Variants in ATP11A observed in about 807,000 individuals in gnomAD.
The protein encoded by ATP11A is phospholipid-transporting ATPase IH.
Under a neutral mutation model 154.4 loss-of-function variants are expected in ATP11A, and 81 were observed. The ratio of observed to expected loss-of-function variants is 0.52; its 90% CI spans 0.44 to 0.63. The LOEUF (loss-of-function observed/expected upper bound fraction) is 0.63. Among genes scored for constraint, ATP11A ranks in the 30% least tolerant of loss-of-function variants. The probability of loss-of-function intolerance (pLI) is 0.00; values close to 1 mark genes in which losing one functional copy is unlikely to be tolerated. For synonymous variants in ATP11A, 623 were observed against 585.9 expected (o/e 1.06, Z -0.91); for missense variants, 1,316 against 1,474.3 (o/e 0.89, Z 1.76).
intron 16 of ATP11A, among the ~76,000 whole-genome samples, chr13:112,841,327 C>T (rs1287120373): frequency 6.9e-6 from 1 of 144,972 alleles, no homozygotes; most frequent in African/African-American, 2.6e-5. Flanking sequence ...GCTTCGCGGA[C>T]CAGGGATGCT....
At chr13:112,809,683 C>G (rs749280369) in intron 4 of ATP11A, among the ~76,000 whole-genome samples, 7 of 152,146 alleles carry the variant, frequency 4.6e-5, no homozygotes, top group Admixed American at 4.6e-4. Flanking sequence ...GCCCATAGGC[C>G]CCTGGTGTGC....
At chr13:112,849,163 C>T (rs1594168719) in intron 17 of ATP11A, among the ~76,000 whole-genome samples, 1 of 152,306 alleles carries the variant, frequency 6.6e-6, no homozygotes, top group South Asian at 2.1e-4. Flanking sequence ...TATGTTGACT[C>T]ACTTTTGCAT....
At chr13:112,868,522 G>C (rs1021819750) in intron 25 of ATP11A, among the ~76,000 whole-genome samples, 1 of 152,186 alleles carries the variant, frequency 6.6e-6, no homozygotes, top group Non-Finnish European at 1.5e-5. Flanking sequence ...CAGGTTCTTG[G>C]CTGAGATGTG....
chr13:112,765,250 G>A (rs570625852), intron 1 of ATP11A, among the ~76,000 whole-genome samples: 4 of 151,804 alleles, frequency 2.6e-5, no homozygotes, highest in East Asian at 1.9e-4. Context: ...GGGGTGGCCC[G>A]GGCAGTTCCT....
At chr13:112,769,150 C>A (rs897149943) in intron 1 of ATP11A, among the ~76,000 whole-genome samples, 7 of 152,190 alleles carry the variant, frequency 4.6e-5, no homozygotes, top group Non-Finnish European at 8.8e-5. Flanking sequence ...CTTCCAGGCT[C>A]CTACCCTTCC....
chr13:112,693,963 G>A (rs901748972), intron 1 of ATP11A, among the ~76,000 whole-genome samples: 4 of 152,140 alleles, frequency 2.6e-5, no homozygotes, highest in Non-Finnish European at 4.4e-5. Context: ...AAATAAATAA[G>A]AGTATTTTTA....
At chr13:112,794,213 T>C (rs2077937024) in intron 2 of ATP11A, among the ~76,000 whole-genome samples, 1 of 152,196 alleles carries the variant, frequency 6.6e-6, no homozygotes, top group Non-Finnish European at 1.5e-5. Flanking sequence ...GTCTACTGAT[T>C]GTATCACAGT....
chr13:112,814,559 T>C (rs2078589641), intron 5 of ATP11A, among the ~76,000 whole-genome samples: 1 of 152,198 alleles, frequency 6.6e-6, no homozygotes, highest in Non-Finnish European at 1.5e-5. Context: ...TTTGTTTCTG[T>C]CCTTATTATT....
In ATP11A at chr13:112,859,568, G is replaced by A; in HGVS notation, c.2727+116G>A. ...TGAGCAGCACTCCCCGGCACCACGA[G>A]GGAGCCAGGGTGCCCAGCAGCAGGC... On this transcript the variant is annotated intron_variant, in intron 23 of 29. Transcript: ENST00000375645. The surrounding 1 kb of genome is among the most constrained non-coding windows in gnomAD (Gnocchi z 4.3). The A allele has an allele frequency of 1.1e-6, 1 of 900,042 alleles. No individual in the cohort carries two copies. The allele number at this position is 900,042 out of a possible 1,614,324, so 55.8% of individuals were successfully genotyped here.
intron 18 of ATP11A, chr13:112,851,652 G>A (rs1386022842): frequency 1.9e-5 from 3 of 153,876 alleles, no homozygotes; most frequent in Non-Finnish European, 4.3e-5. Flanking sequence ...CTCCTGAGTA[G>A]CTAGAACTTC....
At chr13:112,832,090 C>G (rs542548195) in intron 13 of ATP11A, among the ~76,000 whole-genome samples, 1 of 152,086 alleles carries the variant, frequency 6.6e-6, no homozygotes, top group South Asian at 2.1e-4. Context: ...CACGTACTCT[C>G]ACACACGCCC....
intron 1 of ATP11A, among the ~76,000 whole-genome samples, chr13:112,709,808 G>A (rs1476386897): frequency 1.3e-5 from 2 of 152,268 alleles, no homozygotes; most frequent in Admixed American, 1.3e-4. Flanking sequence ...ACATCCTGAG[G>A]GTTGTGCCAC....
intron 5 of ATP11A, among the ~76,000 whole-genome samples, chr13:112,814,281 T>C (rs1459071854): frequency 6.6e-6 from 1 of 152,114 alleles, no homozygotes; most frequent in Non-Finnish European, 1.5e-5. Context: ...CAGGCTAGTT[T>C]TGAACTGCTG....
chr13:112,723,929 G>T (rs975521701), intron 1 of ATP11A, among the ~76,000 whole-genome samples: 1 of 152,084 alleles, frequency 6.6e-6, no homozygotes, highest in Non-Finnish European at 1.5e-5. Context: ...TGTCACACGG[G>T]CTCGGGTGGC....
chr13:112,799,492 C>G (rs1425635129), intron 2 of ATP11A, among the ~76,000 whole-genome samples: 2 of 151,552 alleles, frequency 1.3e-5, no homozygotes, highest in African/African-American at 4.9e-5. Context: ...CCCTTGTGGG[C>G]AGGGGCGGGG....
intron 17 of ATP11A, among the ~76,000 whole-genome samples, chr13:112,845,357 GCACTA>G (rs2079557013): frequency 8.7e-6 from 1 of 115,434 alleles, no homozygotes; most frequent in African/African-American, 4.9e-5. Flanking sequence ...CCAGTTGCCA[GCACTA>G]GCGGTACTAT....
intron 2 of ATP11A, among the ~76,000 whole-genome samples, chr13:112,797,811 A>G (rs2078040017): frequency 6.6e-6 from 1 of 152,262 alleles, no homozygotes. Context: ...TATAGGTCAG[A>G]AATTCAGGTC....
intron 1 of ATP11A, among the ~76,000 whole-genome samples, chr13:112,739,801 G>A (rs1446816901): frequency 6.6e-6 from 1 of 152,128 alleles, no homozygotes; most frequent in Non-Finnish European, 1.5e-5. Context: ...GCCACAAAAA[G>A]GAACGAAGTA....
At chr13:112,766,589 G>A (rs1004907001) in intron 1 of ATP11A, among the ~76,000 whole-genome samples, 2 of 151,532 alleles carry the variant, frequency 1.3e-5, no homozygotes, top group South Asian at 4.1e-4. Context: ...CAGGACCACC[G>A]TCACATGCTT....
Sources: gnomAD v4.1 joint callset for allele counts (sites outside exome capture counted in the v4.1 genomes callset) on GRCh38, gnomAD v4.1.1 for gene constraint, Gnocchi (gnomAD v3.1) non-coding constraint, MANE v1.5 for transcripts, NCBI Gene and HGNC (gene_info 2026-07-23, HGNC 2026-07-21) for gene names.